PTPN3: variants seen among roughly 807,000 people sequenced by gnomAD.
The protein encoded by PTPN3 is protein tyrosine phosphatase non-receptor type 3.
PTPN3 carries 96 observed loss-of-function variants against 132.7 expected under a neutral mutation model. The ratio of observed to expected loss-of-function variants is 0.72; its 90% CI spans 0.61 to 0.86. The LOEUF (loss-of-function observed/expected upper bound fraction) is 0.86. Among genes scored for constraint, PTPN3 ranks in the 40% least tolerant of loss-of-function variants. The probability of loss-of-function intolerance (pLI) is 0.00; values close to 1 mark genes in which losing one functional copy is unlikely to be tolerated. For missense variants in PTPN3, 1,125 were observed against 1,159.6 expected (o/e 0.97, Z 0.43); for synonymous variants, 398 against 429.0 (o/e 0.93, Z 0.89).
In PTPN3 at chr9:109,377,466, T is replaced by G. The variant is rs1838676533; in HGVS notation, c.*2090A>C. ...CACACACACACACACACAAGCCAGG[T>G]GAGGTGGCATGTGCCTATAGTCCCG... On this transcript the variant is annotated 3_prime_UTR_variant, in exon 26 of 26. Transcript: ENST00000374541. The G allele has an allele frequency of 1.5e-5, 2 of 132,064 alleles. No individual in the cohort carries two copies. Among genetic ancestry groups the G allele is most frequent in the Admixed American group, 7.6e-5 (1 of 13,080 alleles). The allele number at this position is 132,064 out of a possible 1,614,324, so 8.2% of individuals were successfully genotyped here. A position where few individuals can be genotyped will look rare whatever the true frequency, so the allele number is the denominator to read the frequency against.
intron 7 of PTPN3, among the ~76,000 whole-genome samples, chr9:109,444,528 A>AG (rs1472380122): frequency 6.6e-6 from 1 of 152,178 alleles, no homozygotes; most frequent in African/African-American, 2.4e-5. Flanking sequence ...ATTTTCAAAG[A>AG]CTTAGTATAA....
At chr9:109,463,097 CG>C (rs1285790438) in intron 2 of PTPN3, among the ~76,000 whole-genome samples, 199 bp downstream of exon 2, 3 of 151,286 alleles carry the variant, frequency 2.0e-5, no homozygotes, top group African/African-American at 4.8e-5. Flanking sequence ...CACAGAAGGG[CG>C]GGGGGAAGAC....
At chr9:109,533,713 T>C in the PTPN3 span, 1 of 1,473,594 alleles carries the variant, frequency 6.8e-7, no homozygotes, top group Non-Finnish European at 9.2e-7. Context: ...TGGAATACTG[T>C]GGTCCACGCC....
the PTPN3 span, among the ~76,000 whole-genome samples, chr9:109,535,517 TC>T: frequency 3.3e-5 from 5 of 152,118 alleles, no homozygotes; most frequent in Admixed American, 1.3e-4. Flanking sequence ...CTTTTTTTTT[TC>T]TTTTTTTGAG....
intron 1 of PTPN3, among the ~76,000 whole-genome samples, chr9:109,495,598 A>AC (rs1285624388): frequency 2.0e-5 from 3 of 151,850 alleles, no homozygotes; most frequent in Non-Finnish European, 2.9e-5. Flanking sequence ...GCAGCAACAA[A>AC]CCCCACTGTG....
intron 19 of PTPN3, among the ~76,000 whole-genome samples, chr9:109,395,745 C>T (rs1358295587): frequency 6.6e-6 from 1 of 150,904 alleles, no homozygotes; most frequent in Non-Finnish European, 1.5e-5. Flanking sequence ...CAATATTGTG[C>T]CACTGCACTC....
intron 1 of PTPN3, among the ~76,000 whole-genome samples, chr9:109,485,958 C>T (rs967432903): frequency 3.9e-5 from 6 of 152,196 alleles, no homozygotes; most frequent in Non-Finnish European, 5.9e-5. Context: ...TCTAAGTTTA[C>T]GATTGAAAAC....
chr9:109,410,395 G>A lies in PTPN3; in HGVS notation c.1334C>T (p.Pro445Leu), dbSNP rs775609338. Reference protein sequence around the residue: ...PHQESLSENNPAQSYLTQKSS... With the variant: ...PHQESLSENNLAQSYLTQKSS... ...CTTCTGGGTCAGGTAGCTTTGTGCC[G>A]GATTGTTCTCGGATAAACTCCTTCA... The change falls in exon 15 of 26, where the codon CCG becomes CTG. Residue 445 changes from proline to leucine, a missense_variant. By Grantham distance (98) the Pro-to-Leu change is moderately conservative. Transcript: ENST00000374541. 26 of 1,614,064 alleles carry A rather than the reference G, an allele frequency of 1.6e-5. No homozygotes were observed. The highest frequency in any genetic ancestry group is 4.0e-5 in the African/African-American group (3 of 75,030).
intron 18 of PTPN3, 105 bp downstream of exon 18, chr9:109,406,357 T>A: frequency 1.5e-6 from 2 of 1,364,366 alleles, no homozygotes; most frequent in Non-Finnish European, 2.0e-6. Flanking sequence ...GATTTTCAAA[T>A]GTTGGCTACA....
At chr9:109,459,007 C>T (rs1005564109) in intron 2 of PTPN3, among the ~76,000 whole-genome samples, 1 of 152,202 alleles carries the variant, frequency 6.6e-6, no homozygotes, top group Non-Finnish European at 1.5e-5. Context: ...CGAGAGGCTC[C>T]GTGCCTTGCA....
At chr9:109,454,682 T>C (rs2132022044) in intron 4 of PTPN3, 108 bp from the exon 5 acceptor site, 2 of 819,640 alleles carry the variant, frequency 2.4e-6, no homozygotes, top group Non-Finnish European at 4.0e-6. Flanking sequence ...CCATAGCTTT[T>C]TCCATTATAA....
At chr9:109,491,530 AACTT>A (rs913009058) in intron 1 of PTPN3, among the ~76,000 whole-genome samples, 1 of 152,192 alleles carries the variant, frequency 6.6e-6, no homozygotes, top group Non-Finnish European at 1.5e-5. Flanking sequence ...AAAAAAATAA[AACTT>A]AGAAAAAGTT....
intron 14 of PTPN3, among the ~76,000 whole-genome samples, chr9:109,411,389 T>C (rs947481): frequency 0.038 from 5,818 of 152,192 alleles, 148 homozygotes; most frequent in East Asian, 0.15. Context: ...AGAGCCCACT[T>C]CCAAGACCCC....
chr9:109,511,811 T>A, the PTPN3 span, among the ~76,000 whole-genome samples: 1 of 152,226 alleles, frequency 6.6e-6, no homozygotes, highest in East Asian at 1.9e-4. Flanking sequence ...TGAATCCCTG[T>A]ATTATTTTAA....
intron 1 of PTPN3, among the ~76,000 whole-genome samples, chr9:109,489,144 C>T (rs1382712840): frequency 6.6e-6 from 1 of 152,234 alleles, no homozygotes; most frequent in East Asian, 1.9e-4. Context: ...GCACAGCTGG[C>T]TTGTTCATCT....
intron 9 of PTPN3, among the ~76,000 whole-genome samples, chr9:109,436,078 G>A (rs1164951255): frequency 6.6e-6 from 1 of 152,234 alleles, no homozygotes; most frequent in Non-Finnish European, 1.5e-5. Context: ...TGATCACAAG[G>A]TGAGACCTTA....
intron 4 of PTPN3, 135 bp downstream of exon 4, chr9:109,457,038 G>T: frequency 1.2e-6 from 1 of 839,340 alleles, no homozygotes. Flanking sequence ...ACAGGGAGAA[G>T]TCGGCTCACT....
intron 14 of PTPN3, among the ~76,000 whole-genome samples, chr9:109,418,621 T>G (rs1842688681): frequency 1.3e-5 from 2 of 152,250 alleles, no homozygotes; most frequent in Admixed American, 1.3e-4. Context: ...TGAGTGCTGC[T>G]GACAACACTT....
At chr9:109,508,246 T>C in the PTPN3 span, among the ~76,000 whole-genome samples, 4 of 151,854 alleles carry the variant, frequency 2.6e-5, no homozygotes, top group Non-Finnish European at 4.4e-5. Context: ...CTGCAAGCTC[T>C]GCCTCCCGGG....
Sources: allele counts gnomAD v4.1 joint callset (sites outside exome capture counted in the v4.1 genomes callset), GRCh38; gene constraint gnomAD v4.1.1; transcripts MANE v1.5; gene names NCBI Gene and HGNC (gene_info 2026-07-23, HGNC 2026-07-21).